Variants in SLC38A8 observed in about 807,000 individuals in gnomAD.
SLC38A8 encodes the protein amino acid transporter SLC38A8.
A neutral mutation model predicts 46.0 loss-of-function variants in SLC38A8; 65 were observed. That is an observed-to-expected ratio of 1.41 (90% CI 1.16 to 1.74). The LOEUF (loss-of-function observed/expected upper bound fraction) is 1.74, where lower values mean the gene tolerates loss of function less well. SLC38A8 is among the 40% of genes most tolerant of loss of function. The pLI is 0.00. For synonymous variants in SLC38A8, 447 were observed against 243.7 expected (o/e 1.83, Z -7.77); for missense variants, 998 against 567.9 (o/e 1.76, Z -7.70).
At chr16:84,022,578 T>C (rs1385333580) in intron 7 of SLC38A8, among the ~76,000 whole-genome samples, 197 bp downstream of exon 7, 1 of 152,224 alleles carries the variant, frequency 6.6e-6, no homozygotes, top group Non-Finnish European at 1.5e-5. Context: ...GAACAAGTTC[T>C]GGAGGGCACC....
intron 6 of SLC38A8, 95 bp downstream of exon 6, chr16:84,029,399 C>A: frequency 7.3e-7 from 1 of 1,363,764 alleles, no homozygotes; most frequent in Non-Finnish European, 1.0e-6. Context: ...CCTCAGACGC[C>A]TCCCTGACAG....
chr16:84,025,688 C>T (rs549115071), intron 6 of SLC38A8, among the ~76,000 whole-genome samples: 41 of 152,336 alleles, frequency 2.7e-4, no homozygotes, highest in Non-Finnish European at 4.6e-4. Flanking sequence ...GAGTCCTCCT[C>T]GGTGCAAGTG....
chr16:84,032,046 A>AG, intron 4 of SLC38A8, 78 bp from the exon 5 acceptor site: 11 of 1,242,952 alleles, frequency 8.8e-6, no homozygotes, highest in African/African-American at 1.5e-5. Context: ...GTGGGATCTG[A>AG]ATCCCAGCTC....
chr16:84,022,329 C>T (rs28464036), intron 7 of SLC38A8, among the ~76,000 whole-genome samples: 1 of 152,222 alleles, frequency 6.6e-6, no homozygotes, highest in Non-Finnish European at 1.5e-5. Flanking sequence ...CTGAGCCACA[C>T]TTTCATCACC....
At chr16:84,042,254 G>T in intron 1 of SLC38A8, 95 bp from the exon 2 acceptor site, 6 of 1,339,956 alleles carry the variant, frequency 4.5e-6, no homozygotes, top group Non-Finnish European at 6.1e-6. Flanking sequence ...CTCAGTGAGA[G>T]CTCCCTGAGC....
chr16:84,023,392 A>G (rs1025444051), intron 6 of SLC38A8, among the ~76,000 whole-genome samples: 1 of 152,196 alleles, frequency 6.6e-6, no homozygotes, highest in Non-Finnish European at 1.5e-5. Context: ...CCTCTGCACA[A>G]AAGTAAAATT....
chr16:84,013,422 G>GTTTTTTTTTT lies in SLC38A8; in HGVS notation c.1163-371_1163-370insAAAAAAAAAA, dbSNP rs369454720. ...ACCATTACTTTCTTTTGTTGTGTGTGTGTTTTTTTTTTTTTTTTTTTTTTT... is the reference window on the plus strand; with the variant it reads ...ACCATTACTTTCTTTTGTTGTGTGTGTTTTTTTTTTTGTTTTTTTTTTTTTTTTTTTTTTT... On this transcript the variant is annotated intron_variant, in intron 9 of 10. Coordinates refer to ENST00000299709, the MANE Select transcript of SLC38A8 (RefSeq NM_001080442.3). Among the ~76,000 whole-genome samples, 16 of 108,694 alleles carry GTTTTTTTTTT rather than the reference G, an allele frequency of 1.5e-4. 1 individual carries two copies. Among genetic ancestry groups the GTTTTTTTTTT allele is most frequent in the East Asian group, 2.5e-4 (1 of 4,044 alleles). The allele number at this position is 108,694 out of a possible 152,430, so 71.3% of individuals were successfully genotyped here.
intron 9 of SLC38A8, among the ~76,000 whole-genome samples, chr16:84,015,596 T>C (rs1189152643): frequency 1.3e-5 from 2 of 151,964 alleles, no homozygotes; most frequent in Non-Finnish European, 2.9e-5. Context: ...AGGGCCTCGG[T>C]CTTCGCATCT....
chr16:84,014,059 C>A (rs1009610656), intron 9 of SLC38A8, among the ~76,000 whole-genome samples: 2 of 151,100 alleles, frequency 1.3e-5, no homozygotes, highest in Non-Finnish European at 3.0e-5. Context: ...ACCACACTCT[C>A]ATCTCTGAAA....
At chr16:84,039,249 G>C (rs907144884) in intron 2 of SLC38A8, among the ~76,000 whole-genome samples, 1 of 152,166 alleles carries the variant, frequency 6.6e-6, no homozygotes, top group Non-Finnish European at 1.5e-5. Context: ...TACATTTCCA[G>C]TGTTTTAAGC....
At chr16:84,018,962 G>T (rs576748517) in intron 7 of SLC38A8, among the ~76,000 whole-genome samples, 1 of 152,048 alleles carries the variant, frequency 6.6e-6, no homozygotes, top group Non-Finnish European at 1.5e-5. Context: ...CCAGTGATGA[G>T]GACTATTTTC....
chr16:84,016,334 T>C lies in SLC38A8; in HGVS notation c.1162+185A>G, dbSNP rs75181027. Among the ~76,000 whole-genome samples the C allele has an allele frequency of 1.9e-3, 294 of 152,038 alleles. 2 individuals carry two copies. The highest frequency in any genetic ancestry group is 6.5e-3 in the African/African-American group (268 of 41,470). ...AGGAGCTAATGAGATGTTTAATGAG[T>C]GAGGGAAGGTATGTAAAGCCCAAGC... On this transcript the variant is annotated intron_variant, in intron 9 of 10. Transcript: ENST00000299709.
At chr16:84,015,515 G>T (rs2085014731) in intron 9 of SLC38A8, among the ~76,000 whole-genome samples, 1 of 152,066 alleles carries the variant, frequency 6.6e-6, no homozygotes, top group African/African-American at 2.4e-5. Context: ...GGCACCAGCG[G>T]TAGCATGGAC....
Position 84,017,212 on chromosome 16 carries a change from A to G in SLC38A8, c.881T>C (p.Val294Ala), listed in dbSNP as rs750496423. ...AAAAAGGACCCGGGCCACAATGATGACCATATCATTGCCTGGGTAGGACAT... is the reference window on the plus strand; with the variant it reads ...AAAAAGGACCCGGGCCACAATGATGGCCATATCATTGCCTGGGTAGGACAT... ...VLMSYPGNDM[V>A]IIVARVLFAV... Residue 294 changes from valine to alanine, a missense_variant, in exon 8 of 11, where the codon GTC becomes GCC. Transcript: ENST00000299709. 16 of 1,614,050 alleles carry G rather than the reference A, an allele frequency of 9.9e-6. No homozygotes were observed. The highest frequency in any genetic ancestry group is 1.4e-5 in the Non-Finnish European group (16 of 1,179,998).
At chr16:84,013,962 G>A (rs925596463) in intron 9 of SLC38A8, among the ~76,000 whole-genome samples, 3 of 151,512 alleles carry the variant, frequency 2.0e-5, no homozygotes, top group South Asian at 2.1e-4. Flanking sequence ...CCTCTGAGAA[G>A]CTCCACCCAG....
intron 1 of SLC38A8, 138 bp from the exon 2 acceptor site, chr16:84,042,297 CCT>C (rs1238805924): frequency 3.3e-6 from 3 of 911,042 alleles, no homozygotes; most frequent in Non-Finnish European, 3.2e-6. Context: ...GTCAGCTCCC[CCT>C]TTCCAAAGGG....
At chr16:84,010,528 G>A (rs2084941001) in intron 10 of SLC38A8, among the ~76,000 whole-genome samples, 1 of 151,990 alleles carries the variant, frequency 6.6e-6, no homozygotes, top group African/African-American at 2.4e-5. Context: ...ATTCACCTGA[G>A]GTCATGAATT....
At chr16:84,024,287 A>C (rs1457459859) in intron 6 of SLC38A8, among the ~76,000 whole-genome samples, 7 of 152,218 alleles carry the variant, frequency 4.6e-5, no homozygotes, top group Admixed American at 3.3e-4. Context: ...ACCATGTCAC[A>C]TGGGTGCACA....
At chr16:84,026,524 G>A (rs567447653) in intron 6 of SLC38A8, among the ~76,000 whole-genome samples, 3 of 152,334 alleles carry the variant, frequency 2.0e-5, no homozygotes, top group African/African-American at 2.4e-5. Context: ...ACCGTGCCCA[G>A]CCTCTACTGG....
Sources: gnomAD v4.1 joint callset for allele counts (sites outside exome capture counted in the v4.1 genomes callset) on GRCh38, gnomAD v4.1.1 for gene constraint, MANE v1.5 for transcripts, NCBI Gene and HGNC (gene_info 2026-07-23, HGNC 2026-07-21) for gene names.